The following CNTNAP2 variants were observed in gnomAD, a reference collection of about 807,000 sequenced individuals.
CNTNAP2 encodes the protein contactin-associated protein-like 2.
CNTNAP2 carries 98 observed loss-of-function variants against 155.2 expected under a neutral mutation model. The observed-to-expected ratio is 0.63, with a 90% CI of 0.54 to 0.75. The LOEUF (loss-of-function observed/expected upper bound fraction) is 0.75. Ranked by LOEUF, CNTNAP2 falls within the 30% of genes least tolerant of loss-of-function variation. CNTNAP2 has a pLI of 0.00. For missense variants in CNTNAP2, 1,727 were observed against 1,688.1 expected (o/e 1.02, Z -0.40); for synonymous variants, 651 against 631.2 (o/e 1.03, Z -0.47).
chr7:146,935,389 G>A (rs879711427), intron 3 of CNTNAP2, among the ~76,000 whole-genome samples: 3 of 152,236 alleles, frequency 2.0e-5, no homozygotes, highest in African/African-American at 7.2e-5. Context: ...AAAGCCCAAT[G>A]TAGGTGAGAG....
chr7:148,327,283 C>T (rs754457428), intron 21 of CNTNAP2, among the ~76,000 whole-genome samples: 2 of 152,198 alleles, frequency 1.3e-5, no homozygotes, highest in African/African-American at 2.4e-5. Context: ...AGTGTAGCTC[C>T]GACATGATGT....
At chr7:147,553,763 G>T (rs1380819655) in intron 11 of CNTNAP2, among the ~76,000 whole-genome samples, 1 of 152,132 alleles carries the variant, frequency 6.6e-6, no homozygotes, top group Non-Finnish European at 1.5e-5. Flanking sequence ...CCAAGGTCAG[G>T]TGTAAGAGAC....
chr7:147,544,643 A>G (rs891735552), intron 11 of CNTNAP2, among the ~76,000 whole-genome samples: 9 of 152,058 alleles, frequency 5.9e-5, no homozygotes, highest in African/African-American at 2.2e-4. Flanking sequence ...TTATATATAT[A>G]TGTGATAAGA....
chr7:147,862,602 G>A (rs1376948864), intron 13 of CNTNAP2, among the ~76,000 whole-genome samples: 1 of 150,830 alleles, frequency 6.6e-6, no homozygotes, highest in Non-Finnish European at 1.5e-5. Context: ...ACTCAGCTTT[G>A]GCCAGTATGT....
intron 3 of CNTNAP2, among the ~76,000 whole-genome samples, chr7:146,984,952 T>C (rs1370987566): frequency 6.6e-6 from 1 of 152,224 alleles, no homozygotes; most frequent in Non-Finnish European, 1.5e-5. Flanking sequence ...AATTCATGTG[T>C]TTCAGCATCT....
At chr7:147,340,735 G>A (rs1419023759) in intron 9 of CNTNAP2, among the ~76,000 whole-genome samples, 5 of 152,024 alleles carry the variant, frequency 3.3e-5, no homozygotes, top group Admixed American at 3.3e-4. Flanking sequence ...TATTTAAATT[G>A]GGATAAAGTT....
intron 14 of CNTNAP2, among the ~76,000 whole-genome samples, chr7:147,907,471 C>T (rs1429079692): frequency 6.6e-6 from 1 of 152,014 alleles, no homozygotes; most frequent in Non-Finnish European, 1.5e-5. Flanking sequence ...TAGCAAAGGC[C>T]CTCCTTCCTA....
At chr7:147,135,081 T>C (rs1223052061) in intron 8 of CNTNAP2, among the ~76,000 whole-genome samples, 4 of 151,890 alleles carry the variant, frequency 2.6e-5, no homozygotes, top group South Asian at 4.1e-4. Flanking sequence ...AACCTTTTTT[T>C]CCATCTTGGT....
chr7:146,372,836 G>T (rs1178561618), intron 1 of CNTNAP2, among the ~76,000 whole-genome samples: 1 of 152,136 alleles, frequency 6.6e-6, no homozygotes, highest in African/African-American at 2.4e-5. Flanking sequence ...GGAAAGCAAT[G>T]GAGGTACAGA....
intron 1 of CNTNAP2, among the ~76,000 whole-genome samples, chr7:146,486,270 T>G (rs1375495633): frequency 6.6e-6 from 1 of 151,918 alleles, no homozygotes; most frequent in Non-Finnish European, 1.5e-5. Flanking sequence ...TTCACCGTGT[T>G]AGCCAGGATG....
At chr7:148,375,776 C>CATT (rs1213511060) in intron 21 of CNTNAP2, among the ~76,000 whole-genome samples, 31 of 84,736 alleles carry the variant, frequency 3.7e-4, no homozygotes, top group African/African-American at 1.0e-3. Context: ...AGGTGGATCA[C>CATT]GAGGTCAGGA....
At chr7:147,439,658 G>A (rs1481364003) in intron 10 of CNTNAP2, among the ~76,000 whole-genome samples, 1 of 151,922 alleles carries the variant, frequency 6.6e-6, no homozygotes, top group African/African-American at 2.4e-5. Context: ...TGAAAGATCT[G>A]TCCAATTCTG....
intron 15 of CNTNAP2, among the ~76,000 whole-genome samples, chr7:148,065,231 C>T (rs1047329099): frequency 1.3e-5 from 2 of 152,062 alleles, no homozygotes; most frequent in Admixed American, 6.6e-5. Flanking sequence ...TCTTGGAGAA[C>T]GTTCCATGTG....
At chr7:146,833,227 G>T (rs1230098169) in intron 2 of CNTNAP2, among the ~76,000 whole-genome samples, 3 of 151,976 alleles carry the variant, frequency 2.0e-5, no homozygotes, top group Non-Finnish European at 4.4e-5. Context: ...ATCTCCACTA[G>T]CCCTCAATTG....
rs182825414 is a variant in CNTNAP2 at position 147,232,544 on chromosome 7, A to G, written c.1349-67597A>G. On this transcript the variant is annotated intron_variant, in intron 8 of 23. Coordinates refer to ENST00000361727, the MANE Select transcript of CNTNAP2 (RefSeq NM_014141.6). Reference sequence around the variant, plus strand: ...AAATAAATTTACACACACATTATCAACTAATCTTTGACATGGCACCAAAAA... The same window carrying G: ...AAATAAATTTACACACACATTATCAGCTAATCTTTGACATGGCACCAAAAA... Among the ~76,000 whole-genome samples, 409 of 152,284 alleles carry G rather than the reference A, an allele frequency of 2.7e-3. 1 individual carries two copies. Among genetic ancestry groups the G allele is most frequent in the African/African-American group, 9.2e-3 (383 of 41,564 alleles).
chr7:148,269,952 T>A (rs1288248873), intron 21 of CNTNAP2, among the ~76,000 whole-genome samples: 1 of 152,234 alleles, frequency 6.6e-6, no homozygotes, highest in East Asian at 1.9e-4. Flanking sequence ...ACTATGATAT[T>A]CGTAAAGTAA....
chr7:147,192,119 A>G (rs1158490974), intron 8 of CNTNAP2, among the ~76,000 whole-genome samples: 1 of 152,252 alleles, frequency 6.6e-6, no homozygotes, highest in Non-Finnish European at 1.5e-5. Context: ...AAATTGAAGT[A>G]AAATAGTCAT....
At chr7:146,209,825 G>C (rs993626034) in intron 1 of CNTNAP2, among the ~76,000 whole-genome samples, 6 of 152,006 alleles carry the variant, frequency 3.9e-5, no homozygotes, top group African/African-American at 1.5e-4. Context: ...ATTAATGAAG[G>C]CATATTGTAA....
chr7:146,909,049 C>T (rs1796213439), intron 3 of CNTNAP2, among the ~76,000 whole-genome samples: 1 of 151,746 alleles, frequency 6.6e-6, no homozygotes, highest in African/African-American at 2.4e-5. Context: ...ACTAGAAAAT[C>T]TAGAAGAAAT....
Sources: gnomAD v4.1 joint callset for allele counts (sites outside exome capture counted in the v4.1 genomes callset) on GRCh38, gnomAD v4.1.1 for gene constraint, MANE v1.5 for transcripts, NCBI Gene and HGNC (gene_info 2026-07-23, HGNC 2026-07-21) for gene names.